The following POTEE variants were observed in gnomAD, a reference collection of about 807,000 sequenced individuals.
The protein encoded by POTEE is POTE ankyrin domain family member E.
A neutral mutation model predicts 74.2 loss-of-function variants in POTEE; 21 were observed. That is an observed-to-expected ratio of 0.28 (90% CI 0.20 to 0.41). POTEE has a LOEUF of 0.41. POTEE is among the 10% of genes least tolerant of loss of function. The pLI, the probability that POTEE is intolerant of heterozygous loss-of-function variation, is 1.00. For synonymous variants in POTEE, 211 were observed against 432.8 expected, an observed-to-expected ratio of 0.49 and a Z score of 6.36; for missense variants, 525 against 1,158.6, an observed-to-expected ratio of 0.45 and a Z score of 7.94.
At chr2:131,211,388 G>C (rs185214636) in intron 2 of POTEE, among the ~76,000 whole-genome samples, 766 of 148,752 alleles carry the variant, frequency 5.1e-3, no homozygotes, top group African/African-American at 0.019. Flanking sequence ...CATGGGCCTC[G>C]GTGGCAGTGG....
chr2:131,234,198 AG>A (rs1474331724), intron 9 of POTEE, among the ~76,000 whole-genome samples: 1 of 151,794 alleles, frequency 6.6e-6, no homozygotes, highest in Non-Finnish European at 1.5e-5. Flanking sequence ...TGTTCCTTTT[AG>A]GGAATGATAC....
chr2:131,258,455 A>T (rs1241876388), intron 16 of POTEE, among the ~76,000 whole-genome samples: 1 of 119,994 alleles, frequency 8.3e-6, no homozygotes, highest in African/African-American at 3.0e-5. Context: ...AATCTCCAGT[A>T]GGAGATTTTA....
chr2:131,214,352 G>C (rs1414228044), intron 2 of POTEE, among the ~76,000 whole-genome samples: 1 of 152,212 alleles, frequency 6.6e-6, no homozygotes. Flanking sequence ...ATGAAGGAAA[G>C]AAATGTTATA....
chr2:131,214,184 C>G (rs1210377425), intron 2 of POTEE, among the ~76,000 whole-genome samples: 1 of 152,372 alleles, frequency 6.6e-6, no homozygotes, highest in East Asian at 1.9e-4. Flanking sequence ...ACCCCAAGAA[C>G]TTTAAGCAGA....
At chr2:131,228,480 T>C in intron 8 of POTEE, 99 bp downstream of exon 8, 2 of 1,575,836 alleles carry the variant, frequency 1.3e-6, no homozygotes, top group South Asian at 1.2e-5. Context: ...CATAGTTTGG[T>C]TCAGGTAGTT....
Position 131,218,563 on chromosome 2 carries a change from T to C in POTEE, c.161T>C (p.Met54Thr), listed in dbSNP as rs774544757. 4.3e-6 allele frequency: 7 copies of C among 1,612,278 alleles called. No individual in the cohort carries two copies. In the South Asian group the frequency reaches 7.7e-5, roughly 18 times the overall value. Residue 54 changes from methionine (M) to threonine (T), a missense_variant, in exon 4 of 18, where the codon ATG becomes ACG. Coordinates refer to ENST00000683005, the MANE Select transcript of POTEE (RefSeq NM_001083538.3). ...GTSGDHDDSAMKTLRSKMGKW... is the reference protein window; with the variant it reads ...GTSGDHDDSATKTLRSKMGKW... The stretch of plus-strand genomic sequence containing the variant: ...TCTGGAGACCACGACGACTCTGCTA[T>C]GAAGACACTCAGGAGCAAGATGGGC...
At chr2:131,220,215 C>A (rs1032344189) in intron 4 of POTEE, among the ~76,000 whole-genome samples, 4 of 150,712 alleles carry the variant, frequency 2.7e-5, no homozygotes, top group South Asian at 2.1e-4. Flanking sequence ...TATATATATA[C>A]TTTTTTTTGG....
chr2:131,229,764 T>TTTC (rs1700892466), intron 8 of POTEE: 1 of 152,130 alleles, frequency 6.6e-6, no homozygotes, highest in African/African-American at 2.4e-5. Flanking sequence ...TCTGAGGAAA[T>TTTC]AGTGTGAATC....
At position 131,209,753 on chromosome 2, in the gene POTEE, T is replaced by C. The variant is rs1163182954; in HGVS notation, c.-411T>C. ...GGAGCCTGAGCCCCTGGGGCTCGCC[T>C]TGCTGTGTTTGGTGGTGACGTGGGA... On this transcript the variant is annotated 5_prime_UTR_variant, in exon 1 of 18. Coordinates refer to ENST00000683005, the MANE Select transcript of POTEE (RefSeq NM_001083538.3). Among the ~76,000 whole-genome samples the C allele has an allele frequency of 2.0e-5, 3 of 152,200 alleles. No individual in the cohort carries two copies. Among genetic ancestry groups the C allele is most frequent in the Admixed American group, 6.5e-5 (1 of 15,290 alleles).
chr2:131,235,786 C>G (rs1434945991), intron 9 of POTEE, among the ~76,000 whole-genome samples: 3 of 85,970 alleles, frequency 3.5e-5, no homozygotes, highest in Admixed American at 4.0e-4. Context: ...GAGCAAGACC[C>G]TGGCTCAAAA....
intron 4 of POTEE, among the ~76,000 whole-genome samples, chr2:131,221,847 G>A (rs1220826756): frequency 6.6e-6 from 1 of 152,166 alleles, no homozygotes; most frequent in Admixed American, 6.5e-5. Context: ...TACTCGACAG[G>A]AGTTTTCTTT....
At chr2:131,260,272 T>C (rs1008838787) in intron 16 of POTEE, among the ~76,000 whole-genome samples, 1 of 149,894 alleles carries the variant, frequency 6.7e-6, no homozygotes, top group African/African-American at 2.5e-5. Context: ...TTTGTTCCTT[T>C]TGCTTGATAT....
In POTEE at chr2:131,263,824, T is replaced by C. The variant is rs1293644535; in HGVS notation, c.2369T>C (p.Phe790Ser). ...DDMEKIWHHT[F>S]YNELRVAPEE... ...ATGGAGAAGATCTGGCACCACACCT[T>C]CTACAACGAGCTGCGTGTGGCTCCC... The change falls in exon 18 of 18, where the codon TTC (phenylalanine) becomes TCC (serine). Residue 790 changes from phenylalanine to serine, a missense_variant. Transcript: ENST00000683005. 3.1e-6 allele frequency: 5 copies of C among 1,614,016 alleles called. No homozygotes were observed. The Admixed American group carries it at 5.0e-5, about 16-fold the overall frequency.
rs1559160477 is a variant in POTEE, at chr2:131,209,625, G to C, written c.-539G>C. On this transcript the variant is annotated 5_prime_UTR_variant, in exon 1 of 18. Transcript: ENST00000683005. ...CCTCGGACACTGGCTCACTGCAGTT[G>C]GTGGTGTCCACAGAGCGGTAGGAGG... 6.6e-6 allele frequency among the ~76,000 whole-genome samples: 1 copy of C among 152,142 alleles called. No individual in the cohort carries two copies. The highest frequency in any genetic ancestry group is 1.5e-5 in the Non-Finnish European group (1 of 68,026).
chr2:131,217,779 C>T (rs1228335565), intron 3 of POTEE, among the ~76,000 whole-genome samples, 96 bp downstream of exon 3: 1 of 115,732 alleles, frequency 8.6e-6, no homozygotes, highest in Non-Finnish European at 1.9e-5. Context: ...GCACGCCGCA[C>T]GCGCACGCGC....
chr2:131,218,428 C>T lies in POTEE; in HGVS notation c.26C>T (p.Pro9Leu), dbSNP rs557083202. Residue 9 changes from proline to leucine, a missense_variant, in exon 4 of 18, where the codon CCG becomes CTG. By Grantham distance (98) the Pro-to-Leu change is moderately conservative. Transcript: ENST00000683005. MVVEVDSM[P>L]AASSVKKPFG... is the part of the protein sequence containing the mutation. Reference sequence around the variant, plus strand: ...ATGGTGGTTGAGGTTGATTCCATGCCGGCTGCCTCTTCTGTGAAGAAGCCA... The same window carrying T: ...ATGGTGGTTGAGGTTGATTCCATGCTGGCTGCCTCTTCTGTGAAGAAGCCA... 16 of 1,612,956 alleles carry T rather than the reference C, an allele frequency of 9.9e-6. No homozygotes were observed. Among genetic ancestry groups the T allele is most frequent in the Admixed American group, 5.0e-5 (3 of 59,972 alleles).
chr2:131,227,319 A>C (rs1401263931), intron 7 of POTEE, among the ~76,000 whole-genome samples: 2 of 149,918 alleles, frequency 1.3e-5, no homozygotes, highest in African/African-American at 5.1e-5. Context: ...AATCTGCTGT[A>C]TTAAACATAA....
intron 8 of POTEE, among the ~76,000 whole-genome samples, chr2:131,229,364 T>C (rs1191117019): frequency 3.3e-5 from 5 of 152,022 alleles, no homozygotes. Context: ...AAGTCCCATA[T>C]GAACCTTGCC....
rs561007660 is a variant in POTEE at position 131,260,317 on chromosome 2, A to G, written c.1779-1409A>G. 5.4e-5 allele frequency among the ~76,000 whole-genome samples: 8 copies of G among 148,724 alleles called. No homozygotes were observed. The South Asian group carries it at 1.5e-3, about 28-fold the overall frequency. On this transcript the variant is annotated intron_variant, in intron 16 of 17. Transcript: ENST00000683005. The stretch of plus-strand genomic sequence containing the variant: ...TGTTCAGGCTCTTTTGTGGTTCTAC[A>G]TGAATGTCAGCATTTTAAAATAATT...
Sources: allele counts gnomAD v4.1 joint callset (sites outside exome capture counted in the v4.1 genomes callset), GRCh38; gene constraint gnomAD v4.1.1; transcripts MANE v1.5; gene names NCBI Gene and HGNC (gene_info 2026-07-23, HGNC 2026-07-21).